MN1: variants seen among roughly 807,000 people sequenced by gnomAD.
The protein encoded by MN1 is transcriptional activator MN1.
A neutral mutation model predicts 86.9 loss-of-function variants in MN1; 19 were observed. The observed-to-expected ratio is 0.22, with a 90% CI of 0.15 to 0.32. The LOEUF is 0.32. Ranked by LOEUF, MN1 falls within the 10% of genes least tolerant of loss-of-function variation. The probability of loss-of-function intolerance (pLI) is 1.00; values close to 1 mark genes in which losing one functional copy is unlikely to be tolerated. For missense variants in MN1, 1,841 were observed against 1,862.0 expected (o/e 0.99, Z 0.21); for synonymous variants, 928 against 849.6 (o/e 1.09, Z -1.60).
At chr22:27,789,538 G>T (rs138443435) in intron 1 of MN1, among the ~76,000 whole-genome samples, 7 of 152,302 alleles carry the variant, frequency 4.6e-5, no homozygotes, top group Admixed American at 3.9e-4. Context: ...AGGTGAGTTC[G>T]CTGGACTCAG....
intron 1 of MN1, among the ~76,000 whole-genome samples, chr22:27,770,867 T>A (rs1932908489): frequency 1.3e-5 from 2 of 151,796 alleles, no homozygotes; most frequent in East Asian, 3.9e-4. Flanking sequence ...CTATGTTGCC[T>A]AGGCTGGTCT....
intron 1 of MN1, among the ~76,000 whole-genome samples, chr22:27,767,949 T>A (rs528230505): frequency 6.6e-6 from 1 of 152,220 alleles, no homozygotes; most frequent in East Asian, 1.9e-4. Context: ...TATTCCTTTT[T>A]AAAGGATGCA....
Position 27,798,799 on chromosome 22 carries a change from C to T in MN1, c.1745G>A (p.Gly582Glu). ...CACCAGGCCGCCCTGGCCCACGTCC[C>T]CGGGGTGGCCTAGCTGAGCCAGGTT... ...QPNLAQLGHP[G>E]DVGQGGLVHG... The change falls in exon 1 of 2, where the codon GGG becomes GAG. Residue 582 changes from glycine to glutamate, a missense_variant. Gly to Glu is a moderately conservative substitution (Grantham distance 98). Transcript: ENST00000302326. 1 of 1,535,938 alleles carries T rather than the reference C, an allele frequency of 6.5e-7. No individual in the cohort carries two copies. The highest frequency in any genetic ancestry group is 8.7e-7 in the Non-Finnish European group (1 of 1,146,164).
intron 1 of MN1, among the ~76,000 whole-genome samples, chr22:27,753,923 G>T (rs1349663383): frequency 1.3e-5 from 2 of 152,128 alleles, no homozygotes; most frequent in Non-Finnish European, 2.9e-5. Flanking sequence ...ACTGGGGTGG[G>T]GTGAGGGAAG....
chr22:27,792,887 C>G (rs963315991), intron 1 of MN1, among the ~76,000 whole-genome samples: 2 of 152,102 alleles, frequency 1.3e-5, no homozygotes, highest in Non-Finnish European at 2.9e-5. Flanking sequence ...TAGGACCTAC[C>G]TGCCCCCCCG....
intron 1 of MN1, among the ~76,000 whole-genome samples, chr22:27,776,896 A>G (rs1932985448): frequency 6.6e-6 from 1 of 152,130 alleles, no homozygotes; most frequent in Admixed American, 6.5e-5. Flanking sequence ...GGGAGAGAAG[A>G]AAAAGGAGAG....
Position 27,797,886 on chromosome 22 carries a change from C to T in MN1, c.2658G>A (p.Gly886=), listed in dbSNP as rs779152503. Residue 886 remains glycine (G), a synonymous_variant, in exon 1 of 2, where the codon GGG becomes GGA. Transcript: ENST00000302326. ...SDYFPGGTAP[G]APGPGGPSGT... Reference sequence around the variant, plus strand: ...CGGACGGGCCTCCGGGTCCTGGGGCCCCAGGAGCAGTCCCTCCTGGGAAGT... The same window carrying T: ...CGGACGGGCCTCCGGGTCCTGGGGCTCCAGGAGCAGTCCCTCCTGGGAAGT... The T allele has an allele frequency of 3.1e-6, 5 of 1,595,182 alleles. No individual in the cohort carries two copies. In the South Asian group the frequency reaches 4.5e-5, roughly 14 times the overall value.
chr22:27,772,099 C>A (rs1023126816), intron 1 of MN1, among the ~76,000 whole-genome samples: 4 of 152,188 alleles, frequency 2.6e-5, no homozygotes, highest in Non-Finnish European at 5.9e-5. Flanking sequence ...TGTCCTCCTG[C>A]CCGGCCCTCC....
At chr22:27,758,612 A>G (rs1044506511) in intron 1 of MN1, among the ~76,000 whole-genome samples, 6 of 152,184 alleles carry the variant, frequency 3.9e-5, no homozygotes, top group African/African-American at 1.4e-4. Context: ...CAAGGTCTGT[A>G]TCCTGGTCCC....
intron 1 of MN1, among the ~76,000 whole-genome samples, chr22:27,775,861 C>G (rs549219346): frequency 6.6e-6 from 1 of 152,326 alleles, no homozygotes; most frequent in East Asian, 1.9e-4. Context: ...CCGACAGCAG[C>G]TGAGGCTGCC....
chr22:27,786,171 A>G (rs558391750), intron 1 of MN1, among the ~76,000 whole-genome samples: 1 of 152,262 alleles, frequency 6.6e-6, no homozygotes, highest in East Asian at 1.9e-4. Context: ...TTTTGAGTGG[A>G]ATTTTAGCCC....
chr22:27,797,183 C>T lies in MN1; in HGVS notation c.3361G>A (p.Gly1121Ser). 1 of 1,557,174 alleles carries T rather than the reference C, an allele frequency of 6.4e-7. No individual in the cohort carries two copies. Among genetic ancestry groups the T allele is most frequent in the Non-Finnish European group, 8.7e-7 (1 of 1,155,412 alleles). Residue 1121 changes from glycine to serine, a missense_variant, in exon 1 of 2, where the codon GGT becomes AGT. Physicochemically the swap from Gly to Ser is moderately conservative, Grantham distance 56 (BLOSUM62 0). Coordinates refer to ENST00000302326, the MANE Select transcript of MN1 (RefSeq NM_002430.3). ...STSTPDSYGG[G>S]GGPGHPGTPG... ...GTGCCCGGATGGCCCGGGCCCCCACCGCCGCCGTAGCTGTCAGGGGTCGAG... is the reference window on the plus strand; with the variant it reads ...GTGCCCGGATGGCCCGGGCCCCCACTGCCGCCGTAGCTGTCAGGGGTCGAG...
intron 1 of MN1, among the ~76,000 whole-genome samples, chr22:27,756,831 C>G (rs1932804929): frequency 6.6e-6 from 1 of 152,226 alleles, no homozygotes. Context: ...TCATAGCTCA[C>G]TGCAACCTCA....
chr22:27,751,116 A>G lies in MN1; in HGVS notation c.3782-20T>C, dbSNP rs756755733. The G allele has an allele frequency of 7.2e-6, 11 of 1,531,196 alleles. No individual in the cohort carries two copies. Among genetic ancestry groups the G allele is most frequent in the Non-Finnish European group, 8.8e-6 (10 of 1,135,378 alleles). The allele number at this position is 1,531,196 out of a possible 1,614,324, so 94.9% of individuals were successfully genotyped here. On this transcript the variant is annotated intron_variant, in intron 1 of 1. Transcript: ENST00000302326. ...CGTGGGCTGTGGAGAGAGAAGGAAG[A>G]GAGGACATTAGTGGCACACTCGTCT...
intron 1 of MN1, among the ~76,000 whole-genome samples, chr22:27,777,768 A>G (rs1932998676): frequency 6.6e-6 from 1 of 151,518 alleles, no homozygotes; most frequent in Admixed American, 6.6e-5. Flanking sequence ...GCTAGCTACC[A>G]GGGAGGCTGA....
chr22:27,797,932 G>T lies in MN1; in HGVS notation c.2612C>A (p.Ala871Asp). ...GAAGTAATCCGAGCCCGGGTTGCCG[G>T]CCACTGCCGCGCCGTCGGTCTCGTT... ...SQNETDGAAV[A>D]GNPGSDYFPG... Residue 871 changes from alanine (A) to aspartate (D), a missense_variant, in exon 1 of 2, where the codon GCC (alanine) becomes GAC (aspartate). Ala to Asp is a moderately radical substitution (Grantham distance 126, BLOSUM62 -2). Coordinates refer to ENST00000302326, the MANE Select transcript of MN1 (RefSeq NM_002430.3). 1 of 1,599,202 alleles carries T rather than the reference G, an allele frequency of 6.3e-7. No individual in the cohort carries two copies. The highest frequency in any genetic ancestry group is 1.3e-5 in the African/African-American group (1 of 74,480).
intron 1 of MN1, among the ~76,000 whole-genome samples, chr22:27,791,570 C>G (rs1354007416): frequency 6.6e-6 from 1 of 152,056 alleles, no homozygotes; most frequent in Non-Finnish European, 1.5e-5. Context: ...CCCCCCACCC[C>G]CTCCGACAAA....
chr22:27,799,305 C>T lies in MN1; in HGVS notation c.1239G>A (p.Arg413=). ...QHAQFEYPIH[R]LENRSMHPYS... ...AAGGGTGCATGCTCCGGTTCTCCAG[C>T]CGGTGGATGGGATACTCGAATTGCG... is the stretch of plus-strand genomic sequence containing the variant. Residue 413 remains arginine (R), a synonymous_variant, in exon 1 of 2, where the codon CGG becomes CGA. Coordinates refer to ENST00000302326, the MANE Select transcript of MN1 (RefSeq NM_002430.3). 2.5e-6 allele frequency: 4 copies of T among 1,590,906 alleles called. No individual in the cohort carries two copies. The highest frequency in any genetic ancestry group is 2.6e-6 in the Non-Finnish European group (3 of 1,169,088).
intron 1 of MN1, among the ~76,000 whole-genome samples, chr22:27,773,434 A>G (rs986979067): frequency 3.9e-5 from 6 of 152,204 alleles, no homozygotes; most frequent in Non-Finnish European, 8.8e-5. Context: ...GGCGACTCCA[A>G]ACCTTTCAAG....
Sources: gnomAD v4.1 joint callset for allele counts (sites outside exome capture counted in the v4.1 genomes callset) on GRCh38, gnomAD v4.1.1 for gene constraint, MANE v1.5 for transcripts, NCBI Gene and HGNC (gene_info 2026-07-23, HGNC 2026-07-21) for gene names.